TMEM171: variants seen among roughly 807,000 people sequenced by gnomAD.
The protein encoded by TMEM171 is transmembrane protein 171.
A neutral mutation model predicts 19.1 loss-of-function variants in TMEM171; 16 were observed. The ratio of observed to expected loss-of-function variants is 0.84; its 90% CI spans 0.57 to 1.27. TMEM171 has a LOEUF of 1.27. Ranked by LOEUF, TMEM171 falls within the 50% of genes most tolerant of loss-of-function variation. The probability of loss-of-function intolerance (pLI) is 0.00; values close to 1 mark genes in which losing one functional copy is unlikely to be tolerated. For synonymous variants in TMEM171, 153 were observed against 163.4 expected (o/e 0.94, Z 0.48); for missense variants, 429 against 412.7 (o/e 1.04, Z -0.34).
intron 2 of TMEM171, among the ~76,000 whole-genome samples, chr5:73,124,555 G>A (rs1744111846): frequency 6.6e-6 from 1 of 152,190 alleles, no homozygotes; most frequent in Non-Finnish European, 1.5e-5. Context: ...AACATTCTAG[G>A]ATTCTGGATC....
intron 1 of TMEM171, among the ~76,000 whole-genome samples, chr5:73,121,292 G>A (rs552820370): frequency 4.6e-5 from 7 of 152,226 alleles, no homozygotes; most frequent in African/African-American, 1.7e-4. Context: ...GACTATACTG[G>A]GAATAAATGA....
chr5:73,121,158 C>T lies in TMEM171; in HGVS notation c.-69+462C>T, dbSNP rs2112917507. 1.3e-5 allele frequency among the ~76,000 whole-genome samples: 2 copies of T among 152,264 alleles called. 1 individual carries two copies. Among genetic ancestry groups the T allele is most frequent in the African/African-American group, 4.8e-5 (2 of 41,550 alleles). ...CTATTATGGATCAGAGGTGAACACT[C>T]AGCCAGGTGCTCCGTCCACTAGTCC... On this transcript the variant is annotated intron_variant, in intron 1 of 3. Coordinates refer to ENST00000454765, the MANE Select transcript of TMEM171 (RefSeq NM_173490.8).
At chr5:73,126,773 A>G (rs963222570) in intron 2 of TMEM171, among the ~76,000 whole-genome samples, 5 of 152,192 alleles carry the variant, frequency 3.3e-5, no homozygotes, top group Non-Finnish European at 7.4e-5. Flanking sequence ...TAGGAGTGTG[A>G]ACCACTACAG....
rs928509453 is a variant in TMEM171 at position 73,128,930 on chromosome 5, G to A, written c.782+399G>A. Among the ~76,000 whole-genome samples, 21 of 152,028 alleles carry A rather than the reference G, an allele frequency of 1.4e-4. 1 individual carries two copies. Among genetic ancestry groups the A allele is most frequent in the African/African-American group, 2.2e-4 (9 of 41,406 alleles). On this transcript the variant is annotated intron_variant, in intron 3 of 3. Coordinates refer to ENST00000454765, the MANE Select transcript of TMEM171 (RefSeq NM_173490.8). The stretch of plus-strand genomic sequence containing the variant: ...CAACGTGGCAAAACCCTGTCTCTAC[G>A]AAAAATAGAAGAATTAGCTGGGGAT...
intron 3 of TMEM171, among the ~76,000 whole-genome samples, chr5:73,131,229 G>GTC (rs1744346448): frequency 6.6e-6 from 1 of 151,852 alleles, no homozygotes; most frequent in Non-Finnish European, 1.5e-5. Flanking sequence ...CAGTAAGTGT[G>GTC]TGTGTGTGTG....
intron 2 of TMEM171, 148 bp from the exon 3 acceptor site, chr5:73,128,242 T>G: frequency 1.1e-6 from 1 of 924,356 alleles, no homozygotes; most frequent in South Asian, 1.7e-5. Flanking sequence ...CTCTATACAT[T>G]TAATGGGCTT....
At chr5:73,127,384 A>AAAAAAAAAATATATATATATATAT in intron 2 of TMEM171, among the ~76,000 whole-genome samples, 1 of 81,684 alleles carries the variant, frequency 1.2e-5, no homozygotes, top group Non-Finnish European at 2.2e-5. Flanking sequence ...AAAAAAAAAA[A>AAAAAAAAAATATATATATATATAT]ATATATATAT....
chr5:73,126,669 C>T (rs935215157), intron 2 of TMEM171, among the ~76,000 whole-genome samples: 7 of 152,266 alleles, frequency 4.6e-5, no homozygotes, highest in South Asian at 2.1e-4. Flanking sequence ...ACAGCTGTGG[C>T]GGCTGAGGTC....
At position 73,120,615 on chromosome 5, in the gene TMEM171, C is replaced by CGAGGCCGCGTGCGGAGGCG. The variant is rs1743976130; in HGVS notation, c.-147_-129dup. 1 of 984,942 alleles carries CGAGGCCGCGTGCGGAGGCG rather than the reference C, an allele frequency of 1.0e-6. No individual in the cohort carries two copies. Among genetic ancestry groups the CGAGGCCGCGTGCGGAGGCG allele is most frequent in the Non-Finnish European group, 1.2e-6 (1 of 829,832 alleles). The allele number at this position is 984,942 out of a possible 1,614,324, so 61.0% of individuals were successfully genotyped here. On this transcript the variant is annotated 5_prime_UTR_variant, in exon 1 of 4. Transcript: ENST00000454765. ...TAGGGTGCAGGGCGGCCGGCGCAGC[C>CGAGGCCGCGTGCGGAGGCG]GAGGCCGCGTGCGGAGGCGGACGCC...
intron 1 of TMEM171, among the ~76,000 whole-genome samples, chr5:73,122,876 C>G (rs753993591): frequency 1.3e-5 from 2 of 152,198 alleles, no homozygotes; most frequent in Non-Finnish European, 2.9e-5. Flanking sequence ...AAGTTAGTTA[C>G]TGAACTGACT....
Position 73,123,611 on chromosome 5 carries a change from C to G in TMEM171, c.238C>G (p.Arg80Gly), listed in dbSNP as rs201220721. ...TGGGGCTGTGATCCTGGCCCGCTCC[C>G]GGGCGCAACTTCAGCTCCGTGCAGG... ...GLGAVILARS[R>G]AQLQLRAGLQ... is the part of the protein sequence containing the mutation. Residue 80 changes from arginine (R) to glycine (G), a missense_variant, in exon 2 of 4, where the codon CGG (arginine) becomes GGG (glycine). By Grantham distance (125) the Arg-to-Gly change is moderately radical (BLOSUM62 -2). Transcript: ENST00000454765. 1 of 1,614,094 alleles carries G rather than the reference C, an allele frequency of 6.2e-7. No individual in the cohort carries two copies. The highest frequency in any genetic ancestry group is 1.3e-5 in the African/African-American group (1 of 74,934).
chr5:73,127,383 AAATATATATAT>A (rs1744192843), intron 2 of TMEM171, among the ~76,000 whole-genome samples: 1 of 100,030 alleles, frequency 1.0e-5, no homozygotes, highest in Non-Finnish European at 2.0e-5. Context: ...AAAAAAAAAA[AAATATATATAT>A]ATATATATAT....
At chr5:73,121,578 A>C (rs757124740) in intron 1 of TMEM171, among the ~76,000 whole-genome samples, 3 of 152,240 alleles carry the variant, frequency 2.0e-5, no homozygotes, top group Non-Finnish European at 2.9e-5. Flanking sequence ...TTAAAAAATT[A>C]GTGCAATGCT....
intron 2 of TMEM171, among the ~76,000 whole-genome samples, chr5:73,125,342 A>G (rs912756231): frequency 6.6e-6 from 1 of 152,200 alleles, no homozygotes; most frequent in South Asian, 2.1e-4. Context: ...TCACACCTAC[A>G]GCAATCCAAG....
At chr5:73,121,048 G>A (rs762183326) in intron 1 of TMEM171, among the ~76,000 whole-genome samples, 1 of 152,162 alleles carries the variant, frequency 6.6e-6, no homozygotes, top group Non-Finnish European at 1.5e-5. Context: ...TTTGGAAAAG[G>A]TTTCATTGCG....
intron 3 of TMEM171, 85 bp downstream of exon 3, chr5:73,128,616 C>A: frequency 6.6e-7 from 1 of 1,506,244 alleles, no homozygotes; most frequent in Non-Finnish European, 9.0e-7. Flanking sequence ...AGGAGGCATT[C>A]AAGTGTGAGT....
Position 73,123,383 on chromosome 5 carries a change from G to A in TMEM171, c.10G>A (p.Ala4Thr). The A allele has an allele frequency of 6.2e-7, 1 of 1,612,350 alleles. No homozygotes were observed. Among genetic ancestry groups the A allele is most frequent in the Non-Finnish European group, 8.5e-7 (1 of 1,178,688 alleles). Residue 4 changes from alanine (A) to threonine (T), a missense_variant, in exon 2 of 4, where the codon GCA becomes ACA. Ala to Thr is a moderately conservative substitution (Grantham distance 58). Transcript: ENST00000454765. MSP[A>T]AAAEPDGDQQ... ...GGGGCCTCTCCTGGACATGTCTCCTGCAGCTGCTGCTGAGCCAGATGGGGA... is the reference window on the plus strand; with the variant it reads ...GGGGCCTCTCCTGGACATGTCTCCTACAGCTGCTGCTGAGCCAGATGGGGA...
chr5:73,123,554 G>A lies in TMEM171; in HGVS notation c.181G>A (p.Val61Met). The A allele has an allele frequency of 6.2e-7, 1 of 1,614,248 alleles. No individual in the cohort carries two copies. The highest frequency in any genetic ancestry group is 8.5e-7 in the Non-Finnish European group (1 of 1,180,048). The change falls in exon 2 of 4, where the codon GTG becomes ATG. Residue 61 changes from valine (V) to methionine (M), a missense_variant. Transcript: ENST00000454765. ...CCCAGACTGCCCCATGGTGCTCAAGGTGGCGGGGCCTGCATGTGCCGTGGT... is the reference window on the plus strand; with the variant it reads ...CCCAGACTGCCCCATGGTGCTCAAGATGGCGGGGCCTGCATGTGCCGTGGT... ...PLPDCPMVLKVAGPACAVVGL... is the reference protein window; with the variant it reads ...PLPDCPMVLKMAGPACAVVGL...
chr5:73,122,909 G>A (rs1285159464), intron 1 of TMEM171, among the ~76,000 whole-genome samples: 2 of 152,204 alleles, frequency 1.3e-5, no homozygotes, highest in East Asian at 3.9e-4. Flanking sequence ...GAGCAGCTAT[G>A]ATGAAAAGTG....
Sources: gnomAD v4.1 joint callset for allele counts (sites outside exome capture counted in the v4.1 genomes callset) on GRCh38, gnomAD v4.1.1 for gene constraint, MANE v1.5 for transcripts, NCBI Gene and HGNC (gene_info 2026-07-23, HGNC 2026-07-21) for gene names.